Variants in GNA13 observed in about 807,000 individuals in gnomAD.
The protein encoded by GNA13 is guanine nucleotide-binding protein subunit alpha-13.
Under a neutral mutation model 33.5 loss-of-function variants are expected in GNA13, and 4 were observed. The ratio of observed to expected loss-of-function variants is 0.12; its 90% CI spans 0.06 to 0.27. The LOEUF is 0.27. Ranked by LOEUF, GNA13 falls within the 10% of genes least tolerant of loss-of-function variation. The pLI is 1.00. For synonymous variants in GNA13, 176 were observed against 183.8 expected (o/e 0.96, Z 0.34); for missense variants, 319 against 487.2 (o/e 0.65, Z 3.25).
intron 2 of GNA13, among the ~76,000 whole-genome samples, chr17:65,035,373 GA>G (rs1387985079): frequency 6.6e-6 from 1 of 152,094 alleles, no homozygotes; most frequent in Non-Finnish European, 1.5e-5. Flanking sequence ...AACATTAAAT[GA>G]ACAGGATATA....
rs1375997818 is a variant in GNA13, at chr17:65,026,017, C to T, written c.511-7714G>A. On this transcript the variant is annotated intron_variant, in intron 2 of 3. Coordinates refer to ENST00000439174, the MANE Select transcript of GNA13 (RefSeq NM_006572.6). Reference sequence around the variant, plus strand: ...ACTATGATGAAAACAGCAGATAAGACACAACAAAAAAAATTATAAGTAATG... The same window carrying T: ...ACTATGATGAAAACAGCAGATAAGATACAACAAAAAAAATTATAAGTAATG... 1.5e-4 allele frequency among the ~76,000 whole-genome samples: 22 copies of T among 151,646 alleles called. No individual in the cohort carries two copies. The South Asian group carries it at 4.6e-3, about 32-fold the overall frequency.
At position 65,011,969 on chromosome 17, in the gene GNA13, GA is replaced by G; in HGVS notation, c.*2287del. On this transcript the variant is annotated 3_prime_UTR_variant, in exon 4 of 4. Transcript: ENST00000439174. ...TTTAGATTGAACTTAAAGTTCTACT[GA>G]ATGTCAAAACAAGCCTAAGTTGAAT... 1 of 226,840 alleles carries G rather than the reference GA, an allele frequency of 4.4e-6. No homozygotes were observed. Among genetic ancestry groups the G allele is most frequent in the Non-Finnish European group, 8.8e-6 (1 of 114,096 alleles). 14.1% of individuals were successfully genotyped at this position (226,840 alleles called of 1,614,324 possible).
intron 2 of GNA13, among the ~76,000 whole-genome samples, chr17:65,026,615 A>C (rs1019752852): frequency 6.6e-6 from 1 of 152,238 alleles, no homozygotes; most frequent in Non-Finnish European, 1.5e-5. Context: ...GAGGGGGTTC[A>C]TTAAAATACA....
At chr17:65,048,563 G>C (rs1202968891) in intron 2 of GNA13, among the ~76,000 whole-genome samples, 1 of 152,126 alleles carries the variant, frequency 6.6e-6, no homozygotes, top group Admixed American at 6.5e-5. Context: ...TGTGAATCTT[G>C]TATTTTTCTT....
chr17:65,025,763 T>C (rs1906755757), intron 2 of GNA13, among the ~76,000 whole-genome samples: 1 of 147,874 alleles, frequency 6.8e-6, no homozygotes, highest in Non-Finnish European at 1.5e-5. Flanking sequence ...AAGGATCGCC[T>C]GAGCCCAGGA....
intron 2 of GNA13, among the ~76,000 whole-genome samples, chr17:65,040,543 T>TC (rs1907416298): frequency 6.6e-6 from 1 of 152,150 alleles, no homozygotes; most frequent in South Asian, 2.1e-4. Flanking sequence ...TCTTGCTCTG[T>TC]CACCAGGCTG....
chr17:65,031,921 AGTGTGTGTGTGTGT>A lies in GNA13; in HGVS notation c.511-13632_511-13619del, dbSNP rs148637639. ...AAGAGAGAGAGAGAGAGAGAGAGAG[AGTGTGTGTGTGTGT>A]GTGTGTGTGTGTGTGTGTGTGTATA... On this transcript the variant is annotated intron_variant, in intron 2 of 3. Coordinates refer to ENST00000439174, the MANE Select transcript of GNA13 (RefSeq NM_006572.6). Among the ~76,000 whole-genome samples, 186 of 91,624 alleles carry A rather than the reference AGTGTGTGTGTGTGT, an allele frequency of 2.0e-3. 2 individuals are homozygous for A. Among genetic ancestry groups the A allele is most frequent in the African/African-American group, 8.9e-3 (181 of 20,434 alleles). 60.1% of individuals were successfully genotyped at this position (91,624 alleles called of 152,430 possible).
intron 1 of GNA13, among the ~76,000 whole-genome samples, chr17:65,055,242 A>G (rs1488106502): frequency 6.6e-6 from 1 of 152,232 alleles, no homozygotes; most frequent in Non-Finnish European, 1.5e-5. Flanking sequence ...CCTTTTCTAT[A>G]GAACATACTT....
chr17:65,047,884 CCT>C (rs1420037888), intron 2 of GNA13, among the ~76,000 whole-genome samples: 3 of 152,138 alleles, frequency 2.0e-5, no homozygotes, highest in African/African-American at 7.2e-5. Flanking sequence ...TTGGACCTCC[CCT>C]TTTTACAGGC....
chr17:65,056,255 G>GCCGCCCCCCCCCC, intron 1 of GNA13, 56 bp downstream of exon 1: 2 of 508,072 alleles, frequency 3.9e-6, no homozygotes, highest in Non-Finnish European at 6.9e-6. Context: ...CCCCGCACCC[G>GCCGCCCCCCCCCC]CCGCCGCCCC....
Position 65,053,640 on chromosome 17 carries a change from C to A in GNA13, c.372G>T (p.Ser124=), listed in dbSNP as rs145081453. 6.2e-7 allele frequency: 1 copy of A among 1,613,834 alleles called. No individual in the cohort carries two copies. Among genetic ancestry groups the A allele is most frequent in the Non-Finnish European group, 8.5e-7 (1 of 1,179,784 alleles). ...SNQQHGDKMM[S]FDTRAPMAAQ... ...CTGCCATGGGGGCCCGGGTATCAAA[C>A]GACATCATCTTATCTCCATGTTGTT... The change falls in exon 2 of 4, where the codon TCG becomes TCT. Residue 124 remains serine (S), a synonymous_variant. Coordinates refer to ENST00000439174, the MANE Select transcript of GNA13 (RefSeq NM_006572.6).
At position 65,014,651 on chromosome 17, in the gene GNA13, A is replaced by G. The variant is rs1438004926; in HGVS notation, c.740T>C (p.Val247Ala). ...FDSVTSILFL[V>A]SSSEFDQVLM... ...CACCTGGTCAAATTCACTTGAGGAAACAAGGAAAAGTATTGATGTCACACT... is the reference window on the plus strand; with the variant it reads ...CACCTGGTCAAATTCACTTGAGGAAGCAAGGAAAAGTATTGATGTCACACT... Residue 247 changes from valine to alanine, a missense_variant, in exon 4 of 4, where the codon GTT becomes GCT. By Grantham distance (64) the Val-to-Ala change is moderately conservative (BLOSUM62 0). Coordinates refer to ENST00000439174, the MANE Select transcript of GNA13 (RefSeq NM_006572.6). The surrounding 1 kb of genome is among the most constrained non-coding windows in gnomAD (Gnocchi z 5.3). 1.2e-6 allele frequency: 2 copies of G among 1,614,112 alleles called. No homozygotes were observed. The highest frequency in any genetic ancestry group is 1.7e-6 in the Non-Finnish European group (2 of 1,180,034).
intron 2 of GNA13, among the ~76,000 whole-genome samples, chr17:65,039,310 G>A (rs551129767): frequency 3.4e-4 from 52 of 152,294 alleles, no homozygotes; most frequent in East Asian, 1.2e-3. Flanking sequence ...TGGTTAGGAC[G>A]AAGAACAGTA....
rs376143589 is a variant in GNA13 at position 65,016,378 on chromosome 17, T to C, written c.562-1549A>G. Among the ~76,000 whole-genome samples the C allele has an allele frequency of 2.5e-4, 38 of 152,258 alleles. 1 individual carries two copies. The East Asian group carries it at 3.3e-3, about 13-fold the overall frequency. ...AGAATATATATATATACATATTTTT[T>C]TGAGATGGAGTCTTGCTCTGTTGCC... is the stretch of plus-strand genomic sequence containing the variant. On this transcript the variant is annotated intron_variant, in intron 3 of 3. Coordinates refer to ENST00000439174, the MANE Select transcript of GNA13 (RefSeq NM_006572.6).
intron 1 of GNA13, 62 bp downstream of exon 1, chr17:65,056,249 G>GCCCCCCCCGCCC: frequency 2.6e-6 from 2 of 774,834 alleles, no homozygotes; most frequent in Non-Finnish European, 2.0e-6. Flanking sequence ...GCCCCGCCCC[G>GCCCCCCCCGCCC]CACCCGCCGC....
chr17:65,041,965 G>C (rs576144530), intron 2 of GNA13, among the ~76,000 whole-genome samples: 5 of 152,156 alleles, frequency 3.3e-5, no homozygotes, highest in African/African-American at 1.2e-4. Context: ...CTTTAGAGTT[G>C]TAAGTTTTTA....
intron 3 of GNA13, among the ~76,000 whole-genome samples, 140 bp downstream of exon 3, chr17:65,018,092 TAAAAAAAAAAAAAAAAAAAAA>T (rs767082596): frequency 0.09 from 1,938 of 21,468 alleles, 85 homozygotes; most frequent in African/African-American, 0.24. Context: ...ACGCCACCAC[TAAAAAAAAAAAAAAAAAAAAA>T]AAAAAAAAAA....
At chr17:65,031,921 A>AGAGAGTGTGTGTGT (rs770161529) in intron 2 of GNA13, among the ~76,000 whole-genome samples, 16 of 91,692 alleles carry the variant, frequency 1.7e-4, no homozygotes, top group South Asian at 6.3e-4. Context: ...AGAGAGAGAG[A>AGAGAGTGTGTGTGT]GTGTGTGTGT....
intron 2 of GNA13, among the ~76,000 whole-genome samples, chr17:65,043,075 A>C (rs558061638): frequency 4.6e-5 from 7 of 152,054 alleles, no homozygotes; most frequent in Admixed American, 1.3e-4. Flanking sequence ...GATCATTCTC[A>C]TTTTACAGTT....
Sources: allele counts gnomAD v4.1 joint callset (sites outside exome capture counted in the v4.1 genomes callset), GRCh38; gene constraint gnomAD v4.1.1; non-coding constraint Gnocchi (gnomAD v3.1); transcripts MANE v1.5; gene names NCBI Gene and HGNC (gene_info 2026-07-23, HGNC 2026-07-21).